The following KIF16B variants were observed in gnomAD, a reference collection of about 807,000 sequenced individuals.
KIF16B encodes the protein kinesin-like protein KIF16B.
Under a neutral mutation model 156.3 loss-of-function variants are expected in KIF16B, and 98 were observed. The ratio of observed to expected loss-of-function variants is 0.63; its 90% CI spans 0.53 to 0.74. The LOEUF (loss-of-function observed/expected upper bound fraction) is 0.74, where lower values mean the gene tolerates loss of function less well. KIF16B is among the 30% of genes least tolerant of loss of function. The pLI is 0.00. For missense variants in KIF16B, 1,421 were observed against 1,606.5 expected, an observed-to-expected ratio of 0.88 and a Z score of 1.97; for synonymous variants, 564 against 583.7, an observed-to-expected ratio of 0.97 and a Z score of 0.49.
chr20:16,342,273 C>G (rs1210333754), intron 23 of KIF16B, among the ~76,000 whole-genome samples: 2 of 132,354 alleles, frequency 1.5e-5, no homozygotes, highest in Non-Finnish European at 3.1e-5. Context: ...TTTAAGCCTT[C>G]TAAGGGTATA....
Position 16,506,078 on chromosome 20 carries a change from T to C in KIF16B, c.812A>G (p.Glu271Gly), listed in dbSNP as rs772083737. Residue 271 changes from glutamate to glycine, a missense_variant, in exon 8 of 26, where the codon GAA becomes GGA. By Grantham distance (98) the Glu-to-Gly change is moderately conservative. Transcript: ENST00000354981. ...ATGATGVRLK[E>G]GGNINKSLVT... ...GAGGGACTTGTTAATATTTCCCCCT[T>C]CCTTTAGCCTAACCCCGGTGGCTCC... 11 of 1,613,974 alleles carry C rather than the reference T, an allele frequency of 6.8e-6. No individual in the cohort carries two copies. In the South Asian group the frequency reaches 1.1e-4, roughly 16 times the overall value.
chr20:16,367,146 T>C, intron 22 of KIF16B: 1 of 1,588,126 alleles, frequency 6.3e-7, no homozygotes, highest in Non-Finnish European at 8.6e-7. Flanking sequence ...AGTCTCCTCC[T>C]TAGAGTCTTG....
chr20:16,419,053 T>C (rs1229697997), intron 15 of KIF16B, among the ~76,000 whole-genome samples: 1 of 152,110 alleles, frequency 6.6e-6, no homozygotes, highest in Non-Finnish European at 1.5e-5. Context: ...ATCCCTAGAT[T>C]TGCTGGTTCA....
intron 12 of KIF16B, among the ~76,000 whole-genome samples, chr20:16,486,704 C>CGG (rs2068126374): frequency 6.6e-6 from 1 of 152,114 alleles, no homozygotes; most frequent in Non-Finnish European, 1.5e-5. Context: ...ATTATCGTCA[C>CGG]ATAGCCAAAT....
intron 15 of KIF16B, among the ~76,000 whole-genome samples, chr20:16,414,980 G>A (rs2066051673): frequency 6.6e-6 from 1 of 152,120 alleles, no homozygotes; most frequent in Non-Finnish European, 1.5e-5. Flanking sequence ...TTTAAGGTAG[G>A]ATAGACTAAG....
rs761663147 is a variant in KIF16B, at chr20:16,379,282, C to A, written c.2720G>T (p.Arg907Leu). Residue 907 changes from arginine (R) to leucine (L), a missense_variant, in exon 19 of 26, where the codon CGC becomes CTC. By Grantham distance (102) the Arg-to-Leu change is moderately radical. Coordinates refer to ENST00000354981, the MANE Select transcript of KIF16B (RefSeq NM_024704.5). The stretch of plus-strand genomic sequence containing the variant: ...ATTCTGCAGGAGGTACTGTAGCTGG[C>A]GTTCTTTATATTGCAGCCTGTACTC... ...PVEYRLQYKE[R>L]QLQYLLQNHL... 7 of 1,613,648 alleles carry A rather than the reference C, an allele frequency of 4.3e-6. No homozygotes were observed. Among genetic ancestry groups the A allele is most frequent in the Non-Finnish European group, 5.9e-6 (7 of 1,179,974 alleles).
At chr20:16,367,683 A>C in intron 22 of KIF16B, 1 of 1,612,658 alleles carries the variant, frequency 6.2e-7, no homozygotes, top group Non-Finnish European at 8.5e-7. Context: ...ATGACACCTG[A>C]ACTCCATTTG....
At chr20:16,400,827 G>A (rs940408909) in intron 17 of KIF16B, among the ~76,000 whole-genome samples, 3 of 152,166 alleles carry the variant, frequency 2.0e-5, no homozygotes, top group Non-Finnish European at 4.4e-5. Flanking sequence ...GTTGTGTGCT[G>A]ATTGTCAGGA....
chr20:16,564,406 G>A (rs909031581), intron 1 of KIF16B, among the ~76,000 whole-genome samples: 5 of 151,972 alleles, frequency 3.3e-5, no homozygotes, highest in East Asian at 3.9e-4. Flanking sequence ...CGTGTGCATC[G>A]CAAGGACAAA....
Position 16,556,458 on chromosome 20 carries a change from T to G in KIF16B, c.47+16771A>C, listed in dbSNP as rs564123676. On this transcript the variant is annotated intron_variant, in intron 1 of 25. Transcript: ENST00000354981. ...CAGTAAATGCTTGCTGAGTGAATAA[T>G]CATGACTGTATACATCCATGCCTCT... Among the ~76,000 whole-genome samples, 6 of 152,300 alleles carry G rather than the reference T, an allele frequency of 3.9e-5. No homozygotes were observed. In the South Asian group the frequency reaches 1.0e-3, roughly 26 times the overall value.
At chr20:16,312,699 A>G (rs2063637519) in intron 24 of KIF16B, among the ~76,000 whole-genome samples, 1 of 152,154 alleles carries the variant, frequency 6.6e-6, no homozygotes, top group Non-Finnish European at 1.5e-5. Flanking sequence ...ATGACATATC[A>G]GACTCTGTGC....
chr20:16,491,295 G>C (rs1290957227), intron 12 of KIF16B, among the ~76,000 whole-genome samples: 2 of 152,194 alleles, frequency 1.3e-5, no homozygotes, highest in African/African-American at 4.8e-5. Context: ...AGAAAGAACT[G>C]TGCTAGGACA....
At chr20:16,413,436 C>G (rs897013879) in intron 15 of KIF16B, among the ~76,000 whole-genome samples, 3 of 152,118 alleles carry the variant, frequency 2.0e-5, no homozygotes, top group African/African-American at 7.2e-5. Flanking sequence ...TAATTACCCT[C>G]TTCAAGTTTT....
intron 15 of KIF16B, among the ~76,000 whole-genome samples, 186 bp from the exon 16 acceptor site, chr20:16,406,642 C>G (rs2065794246): frequency 6.6e-6 from 1 of 152,118 alleles, no homozygotes; most frequent in Admixed American, 6.5e-5. Context: ...TTTATTTTTA[C>G]AGCTGAGTGT....
chr20:16,297,496 T>G (rs2063406356), intron 25 of KIF16B, among the ~76,000 whole-genome samples: 3 of 152,002 alleles, frequency 2.0e-5, no homozygotes, highest in African/African-American at 7.2e-5. Context: ...ATCAAGACCA[T>G]TCTGGCTGGC....
intron 12 of KIF16B, among the ~76,000 whole-genome samples, chr20:16,448,901 A>G (rs541101850): frequency 1.3e-5 from 2 of 151,770 alleles, no homozygotes; most frequent in South Asian, 2.1e-4. Flanking sequence ...AGAGAGAGAG[A>G]GGGAGGAAAC....
chr20:16,501,710 C>T (rs1022818498), intron 10 of KIF16B, among the ~76,000 whole-genome samples: 1 of 152,102 alleles, frequency 6.6e-6, no homozygotes, highest in Non-Finnish European at 1.5e-5. Flanking sequence ...GGGTGACTCT[C>T]ACAAACATAA....
intron 1 of KIF16B, among the ~76,000 whole-genome samples, chr20:16,549,734 C>A (rs2070566248): frequency 7.1e-6 from 1 of 140,642 alleles, no homozygotes; most frequent in Admixed American, 7.3e-5. Flanking sequence ...CTGAGAAAAA[C>A]AAGCAATGGG....
In KIF16B at chr20:16,335,978, C is replaced by T. The variant is rs368296500; in HGVS notation, c.3659G>A (p.Arg1220His). 32 of 1,609,064 alleles carry T rather than the reference C, an allele frequency of 2.0e-5. No homozygotes were observed. Among genetic ancestry groups the T allele is most frequent in the Admixed American group, 6.7e-5 (4 of 59,852 alleles). The change falls in exon 24 of 26, where the codon CGT becomes CAT. Residue 1220 changes from arginine to histidine, a missense_variant. Transcript: ENST00000354981. Reference protein sequence around the residue: ...VLDETWTVFRRYSRFREMHKT... With the variant: ...VLDETWTVFRHYSRFREMHKT... ...ATGCATTTCTCGAAAACGACTGTAACGCCTGAATACAGTCCATGTCTCATC... is the reference window on the plus strand; with the variant it reads ...ATGCATTTCTCGAAAACGACTGTAATGCCTGAATACAGTCCATGTCTCATC...
Sources: gnomAD v4.1 joint callset for allele counts (sites outside exome capture counted in the v4.1 genomes callset) on GRCh38, gnomAD v4.1.1 for gene constraint, MANE v1.5 for transcripts, NCBI Gene and HGNC (gene_info 2026-07-23, HGNC 2026-07-21) for gene names.